REG1B: variants seen among roughly 807,000 people sequenced by gnomAD.
The protein encoded by REG1B is regenerating family member 1 beta.
In REG1B, 21 loss-of-function variants were observed where a neutral mutation model predicts 20.4. The ratio of observed to expected loss-of-function variants is 1.03; its 90% CI spans 0.73 to 1.48. The LOEUF is 1.48. REG1B is among the 40% of genes most tolerant of loss of function. The probability of loss-of-function intolerance (pLI) is 0.00; values close to 1 mark genes in which losing one functional copy is unlikely to be tolerated. For missense variants in REG1B, 247 were observed against 197.2 expected, an observed-to-expected ratio of 1.25 and a Z score of -1.51; for synonymous variants, 82 against 73.4, an observed-to-expected ratio of 1.12 and a Z score of -0.60.
intron 2 of REG1B, 137 bp downstream of exon 2, chr2:79,087,412 A>T: frequency 1.2e-6 from 1 of 812,850 alleles, no homozygotes. Context: ...AATGGGATAA[A>T]ATCAGCCATA....
At chr2:79,086,192 G>T in intron 4 of REG1B, 175 bp downstream of exon 4, 1 of 652,048 alleles carries the variant, frequency 1.5e-6, no homozygotes, top group Non-Finnish European at 2.5e-6. Context: ...TTCAGCTCAT[G>T]TCTCTAACTA....
At chr2:79,087,195 A>T in intron 2 of REG1B, 1 of 530,556 alleles carries the variant, frequency 1.9e-6, no homozygotes, top group Non-Finnish European at 3.3e-6. Context: ...GCCTTTAAAG[A>T]CCCAGGCTTC....
At chr2:79,087,416 A>C in intron 2 of REG1B, 133 bp downstream of exon 2, 1 of 827,262 alleles carries the variant, frequency 1.2e-6, no homozygotes, top group Admixed American at 2.7e-5. Context: ...GGATAAAATC[A>C]GCCATAATGA....
chr2:79,087,241 C>T lies in REG1B; in HGVS notation c.64+308G>A, dbSNP rs555510293. On this transcript the variant is annotated intron_variant, in intron 2 of 5. Transcript: ENST00000305089. ...AAGTTTCTCTCGGTTTCCCTGCACA[C>T]GTTTGCCTTAGCTCTCCATCCTAGC... 261 of 532,222 alleles carry T rather than the reference C, an allele frequency of 4.9e-4. 1 individual carries two copies. Among genetic ancestry groups the T allele is most frequent in the Non-Finnish European group, 7.8e-4 (235 of 300,060 alleles). 33.0% of individuals were successfully genotyped at this position (532,222 alleles called of 1,614,324 possible). A position where few individuals can be genotyped will look rare whatever the true frequency, so the allele number is the denominator to read the frequency against.
rs1404985216 is a variant in REG1B, at chr2:79,086,823, C to T, written c.172G>A (p.Val58Ile). Reference sequence around the variant, plus strand: ...CTCTCCTCACTCACATCTGCATCAACCCAGGTCTCAGGGTCTTCATTAAAG... The same window carrying T: ...CTCTCCTCACTCACATCTGCATCAATCCAGGTCTCAGGGTCTTCATTAAAG... The part of the protein sequence containing the change: ...YYFNEDPETW[V>I]DADLYCQNMN... The change falls in exon 3 of 6, where the codon GTT (valine) becomes ATT (isoleucine). Residue 58 changes from valine to isoleucine, a missense_variant. By Grantham distance (29) the Val-to-Ile change is conservative. Coordinates refer to ENST00000305089, the MANE Select transcript of REG1B (RefSeq NM_006507.4). 6.2e-7 allele frequency: 1 copy of T among 1,613,932 alleles called. No individual in the cohort carries two copies. Among genetic ancestry groups the T allele is most frequent in the Admixed American group, 1.7e-5 (1 of 59,994 alleles).
chr2:79,087,135 G>C (rs927462816), intron 2 of REG1B: 1 of 580,254 alleles, frequency 1.7e-6, no homozygotes, highest in African/African-American at 1.9e-5. Context: ...CAATGAATAG[G>C]CTAAATAAAT....
chr2:79,086,987 G>A (rs1018048474), intron 2 of REG1B, 57 bp from the exon 3 acceptor site: 8 of 1,439,860 alleles, frequency 5.6e-6, no homozygotes, highest in African/African-American at 2.8e-5. Context: ...GGAAAAGGCT[G>A]GAAGGTGAAT....
chr2:79,086,590 G>T (rs943406662), intron 3 of REG1B, 86 bp from the exon 4 acceptor site: 6 of 1,538,418 alleles, frequency 3.9e-6, no homozygotes, highest in Non-Finnish European at 5.3e-6. Context: ...AACAGAAAAA[G>T]GACAGCACAG....
rs775991773 is a variant in REG1B at position 79,086,772 on chromosome 2, C to A, written c.183+40G>T. On this transcript the variant is annotated intron_variant, in intron 3 of 5. Transcript: ENST00000305089. ...ACTGCAAATTAGCAGCTGCCTCTAC[C>A]TTCATAAGCCTCCCTTCCCCTGCTG... is the stretch of plus-strand genomic sequence containing the variant. 6 of 1,578,556 alleles carry A rather than the reference C, an allele frequency of 3.8e-6. No homozygotes were observed. In the Admixed American group the frequency reaches 8.3e-5, roughly 22 times the overall value.
At chr2:79,087,421 T>C (rs1331716230) in intron 2 of REG1B, 128 bp downstream of exon 2, 16 of 882,378 alleles carry the variant, frequency 1.8e-5, no homozygotes, top group Non-Finnish European at 2.6e-5. Context: ...AAATCAGCCA[T>C]AATGATCACT....
At position 79,085,201 on chromosome 2, in the gene REG1B, A is replaced by G. The variant is rs766216499; in HGVS notation, c.*15T>C. 53 of 1,601,908 alleles carry G rather than the reference A, an allele frequency of 3.3e-5. No individual in the cohort carries two copies. The highest frequency in any genetic ancestry group is 4.4e-5 in the Non-Finnish European group (52 of 1,168,904). ...ATTGCAGGACCAGTTCTAGACATCC[A>G]TTTTTCAGCTTCCTCTAGTTTTTGA... On this transcript the variant is annotated 3_prime_UTR_variant, in exon 6 of 6. Transcript: ENST00000305089.
At chr2:79,086,532 G>C in intron 3 of REG1B, 28 bp from the exon 4 acceptor site, 1 of 1,611,754 alleles carries the variant, frequency 6.2e-7, no homozygotes, top group Non-Finnish European at 8.5e-7. Context: ...GGAGCACTCA[G>C]TGGAGAAGGA....
At chr2:79,087,838 G>A in intron 1 of REG1B, 121 bp downstream of exon 1, 1 of 451,692 alleles carries the variant, frequency 2.2e-6, no homozygotes, top group East Asian at 3.4e-5. Context: ...ATCAGCTTTG[G>A]TCTTGCTTAA....
intron 1 of REG1B, 136 bp downstream of exon 1, chr2:79,087,823 C>G: frequency 2.2e-6 from 1 of 464,804 alleles, no homozygotes; most frequent in South Asian, 4.6e-5. Flanking sequence ...GCCAAATTAC[C>G]CGAAATCAGC....
chr2:79,086,869 G>A lies in REG1B; in HGVS notation c.126C>T (p.Ala42=). 6.2e-7 allele frequency: 1 copy of A among 1,614,006 alleles called. No individual in the cohort carries two copies. Among genetic ancestry groups the A allele is most frequent in the Non-Finnish European group, 8.5e-7 (1 of 1,179,966 alleles). Residue 42 remains alanine, a synonymous_variant, in exon 3 of 6, where the codon GCC becomes GCT. Transcript: ENST00000305089. ...PRISCPEGTN[A]YRSYCYYFNE... is the part of the protein sequence containing the mutation. ...TAAAGTAGTAGCAGTAGGAGCGATAGGCATTGGTGCCTTCTGGGCAGCTGA... is the reference window on the plus strand; with the variant it reads ...TAAAGTAGTAGCAGTAGGAGCGATAAGCATTGGTGCCTTCTGGGCAGCTGA...
Position 79,086,896 on chromosome 2 carries a change from T to G in REG1B, c.99A>C (p.Arg33=), listed in dbSNP as rs746797132. 1 of 1,613,794 alleles carries G rather than the reference T, an allele frequency of 6.2e-7. No homozygotes were observed. Among genetic ancestry groups the G allele is most frequent in the Non-Finnish European group, 8.5e-7 (1 of 1,179,944 alleles). ...QESQTELPNP[R]ISCPEGTNAY... The stretch of plus-strand genomic sequence containing the variant: ...CATTGGTGCCTTCTGGGCAGCTGAT[T>G]CGGGGATTAGGCAGCTCTGTCTGGG... Residue 33 remains arginine (R), a synonymous_variant, in exon 3 of 6, where the codon CGA becomes CGC. Transcript: ENST00000305089.
chr2:79,086,786 C>T (rs370382444), intron 3 of REG1B, 26 bp downstream of exon 3: 1 of 1,601,048 alleles, frequency 6.2e-7, no homozygotes, highest in South Asian at 1.1e-5. Flanking sequence ...ATAAGCCTCC[C>T]TTCCCCTGCT....
At position 79,087,948 on chromosome 2, in the gene REG1B, T is replaced by A. The variant is rs1180910710; in HGVS notation, c.-47+11A>T. On this transcript the variant is annotated intron_variant, in intron 1 of 5. Transcript: ENST00000305089. ...CGTTAGACATGCTCTTCTCCTGTAATGCCCCTTTACCTGTTGGTAAGTGCC... is the reference window on the plus strand; with the variant it reads ...CGTTAGACATGCTCTTCTCCTGTAAAGCCCCTTTACCTGTTGGTAAGTGCC... 1 of 229,142 alleles carries A rather than the reference T, an allele frequency of 4.4e-6. No individual in the cohort carries two copies. The highest frequency in any genetic ancestry group is 8.6e-6 in the Non-Finnish European group (1 of 115,780). The allele number at this position is 229,142 out of a possible 1,614,324, so 14.2% of individuals were successfully genotyped here.
In REG1B at chr2:79,085,284, C is replaced by T. The variant is rs1314025062; in HGVS notation, c.434-1G>A. ...GATTCATCCTTCCATTTCTTGAATC[C>T]TATGGTACAATGAGAAGTGTCAGAC... On this transcript the variant is annotated splice_acceptor_variant, in intron 5 of 5. Transcript: ENST00000305089. LOFTEE classifies it high-confidence loss of function. The T allele has an allele frequency of 3.7e-6, 6 of 1,608,032 alleles. No homozygotes were observed. Among genetic ancestry groups the T allele is most frequent in the Non-Finnish European group, 5.1e-6 (6 of 1,174,590 alleles).
Sources: gnomAD v4.1 joint callset for allele counts on GRCh38, gnomAD v4.1.1 for gene constraint, MANE v1.5 for transcripts, NCBI Gene and HGNC (gene_info 2026-07-23, HGNC 2026-07-21) for gene names.